Variants in FGF12 observed in about 807,000 individuals in gnomAD.
The protein encoded by FGF12 is fibroblast growth factor 12, also known as fibroblast growth factor 12B.
A neutral mutation model predicts 23.6 loss-of-function variants in FGF12; 14 were observed. The ratio of observed to expected loss-of-function variants is 0.59; its 90% CI spans 0.39 to 0.93. The LOEUF (loss-of-function observed/expected upper bound fraction) is 0.93. FGF12 is among the 40% of genes least tolerant of loss of function. The pLI is 0.00. For missense variants in FGF12, 175 were observed against 217.8 expected, an observed-to-expected ratio of 0.80 and a Z score of 1.24; for synonymous variants, 62 against 77.3, an observed-to-expected ratio of 0.80 and a Z score of 1.04.
intron 4 of FGF12, among the ~76,000 whole-genome samples, chr3:192,308,712 AT>A (rs2108668623): frequency 6.6e-6 from 1 of 152,158 alleles, no homozygotes; most frequent in African/African-American, 2.4e-5. Context: ...AAACAAATAA[AT>A]TTAAAAAAAT....
intron 4 of FGF12, among the ~76,000 whole-genome samples, chr3:192,236,086 T>G (rs1246646174): frequency 6.6e-6 from 1 of 152,168 alleles, no homozygotes; most frequent in Non-Finnish European, 1.5e-5. Flanking sequence ...CAAAGAAATT[T>G]TTGATGTCTG....
chr3:192,317,946 G>A (rs1010525949), intron 4 of FGF12, among the ~76,000 whole-genome samples: 7 of 152,126 alleles, frequency 4.6e-5, no homozygotes, highest in African/African-American at 1.7e-4. Context: ...GTGTCTGCGT[G>A]GTGATCCACA....
chr3:192,149,451 C>T (rs1373048060), intron 5 of FGF12, among the ~76,000 whole-genome samples: 12 of 126,280 alleles, frequency 9.5e-5, no homozygotes, highest in African/African-American at 3.5e-4. Flanking sequence ...TCTCCCAATG[C>T]TATCCCTCCC....
Position 192,246,750 on chromosome 3 carries a change from G to A in FGF12, c.229-76094C>T, listed in dbSNP as rs181280480. 2.1e-3 allele frequency among the ~76,000 whole-genome samples: 311 copies of A among 150,582 alleles called. 1 individual carries two copies. The highest frequency in any genetic ancestry group is 1.8e-3 in the Non-Finnish European group (124 of 67,718). ...TGAGGCAGGAGAATCGCTTGAACCC[G>A]GGAAGCAGAGATTGCAGTGAGCCAA... is the stretch of plus-strand genomic sequence containing the variant. On this transcript the variant is annotated intron_variant, in intron 4 of 5. Transcript: ENST00000445105.
chr3:192,468,620 A>G (rs1417846633), intron 2 of FGF12, among the ~76,000 whole-genome samples: 1 of 152,180 alleles, frequency 6.6e-6, no homozygotes, highest in Non-Finnish European at 1.5e-5. Flanking sequence ...GCTGATGTTA[A>G]TATGTCTACT....
intron 2 of FGF12, among the ~76,000 whole-genome samples, chr3:192,402,196 T>C (rs1383416826): frequency 1.3e-5 from 2 of 152,228 alleles, no homozygotes; most frequent in African/African-American, 4.8e-5. Context: ...CCAAAACATC[T>C]GAAGCAATCA....
In FGF12 at chr3:192,170,840, G is replaced by T. The variant is rs76499400; in HGVS notation, c.229-184C>A. 0.16 allele frequency among the ~76,000 whole-genome samples: 23,716 copies of T among 152,144 alleles called. 2,620 individuals are homozygous for T. Among genetic ancestry groups the T allele is most frequent in the African/African-American group, 0.3 (12,482 of 41,486 alleles). On this transcript the variant is annotated intron_variant, in intron 4 of 5. Transcript: ENST00000445105. ...TCATACAAAATCAAAAAACATGATT[G>T]CCTTTCTAGCCAACCTTCAGCCCAG...
intron 2 of FGF12, among the ~76,000 whole-genome samples, chr3:192,653,454 C>T (rs982077815): frequency 1.3e-5 from 2 of 152,172 alleles, no homozygotes; most frequent in Non-Finnish European, 2.9e-5. Flanking sequence ...CAAAGCCATG[C>T]TCCAACGCCA....
chr3:192,481,812 G>C (rs1723487147), intron 2 of FGF12, among the ~76,000 whole-genome samples: 1 of 152,200 alleles, frequency 6.6e-6, no homozygotes, highest in African/African-American at 2.4e-5. Flanking sequence ...GTTTAAGCCA[G>C]GCTGAGTCAT....
intron 2 of FGF12, among the ~76,000 whole-genome samples, chr3:192,726,087 A>C (rs1013763172): frequency 6.6e-6 from 1 of 152,232 alleles, no homozygotes; most frequent in Non-Finnish European, 1.5e-5. Flanking sequence ...ACTTTATTGA[A>C]CATAGAACTG....
At chr3:192,334,953 CG>C (rs926176544) in intron 4 of FGF12, among the ~76,000 whole-genome samples, 5 of 152,038 alleles carry the variant, frequency 3.3e-5, no homozygotes, top group African/African-American at 7.2e-5. Flanking sequence ...AAATTATGAA[CG>C]TTTTTTTCTC....
At chr3:192,306,414 A>T (rs1340320499) in intron 4 of FGF12, among the ~76,000 whole-genome samples, 1 of 152,112 alleles carries the variant, frequency 6.6e-6, no homozygotes, top group African/African-American at 2.4e-5. Flanking sequence ...AGAAGGCAAA[A>T]AGGGGCATCA....
chr3:192,604,488 G>A (rs537190672), intron 2 of FGF12, among the ~76,000 whole-genome samples: 1 of 152,150 alleles, frequency 6.6e-6, no homozygotes, highest in Non-Finnish European at 1.5e-5. Context: ...CAACAGGAAT[G>A]CATCCAATCA....
intron 2 of FGF12, among the ~76,000 whole-genome samples, chr3:192,414,630 T>G (rs1721288243): frequency 6.6e-6 from 1 of 152,186 alleles, no homozygotes; most frequent in Non-Finnish European, 1.5e-5. Flanking sequence ...TTTCACAAGC[T>G]GAGACTCCAA....
intron 5 of FGF12, among the ~76,000 whole-genome samples, chr3:192,167,567 T>A (rs1715237700): frequency 1.3e-5 from 2 of 151,248 alleles, no homozygotes; most frequent in South Asian, 4.2e-4. Flanking sequence ...AAACTTTATA[T>A]GATTAAGCTG....
chr3:192,435,266 T>A (rs567421259), intron 2 of FGF12, among the ~76,000 whole-genome samples: 3 of 152,310 alleles, frequency 2.0e-5, no homozygotes, highest in Non-Finnish European at 2.9e-5. Context: ...AACACTAGTT[T>A]TTTTTAAAAA....
intron 4 of FGF12, among the ~76,000 whole-genome samples, chr3:192,251,233 C>T (rs1203799556): frequency 6.6e-6 from 1 of 152,154 alleles, no homozygotes; most frequent in Non-Finnish European, 1.5e-5. Context: ...CTTATCTTTT[C>T]CTAACTAAGA....
At chr3:192,542,047 A>AT (rs1725381609) in intron 2 of FGF12, among the ~76,000 whole-genome samples, 1 of 88,336 alleles carries the variant, frequency 1.1e-5, no homozygotes, top group African/African-American at 4.3e-5. Flanking sequence ...TTTTTTTTGT[A>AT]TTTTTAGTGG....
intron 2 of FGF12, among the ~76,000 whole-genome samples, chr3:192,657,102 G>GA (rs1341695738): frequency 8.8e-6 from 1 of 113,164 alleles, no homozygotes; most frequent in Admixed American, 8.6e-5. Flanking sequence ...CTGCTGAGTT[G>GA]AGGTTTTTTT....
Sources: allele counts gnomAD v4.1 joint callset (sites outside exome capture counted in the v4.1 genomes callset), GRCh38; gene constraint gnomAD v4.1.1; transcripts MANE v1.5; gene names NCBI Gene and HGNC (gene_info 2026-07-23, HGNC 2026-07-21).